UBE2J1: variants seen among roughly 807,000 people sequenced by gnomAD.
UBE2J1 encodes the protein ubiquitin-conjugating enzyme E2 J1.
In UBE2J1, 17 loss-of-function variants were observed where a neutral mutation model predicts 42.1. The ratio of observed to expected loss-of-function variants is 0.40; its 90% CI spans 0.28 to 0.61. The LOEUF (loss-of-function observed/expected upper bound fraction) is 0.61. UBE2J1 is among the 20% of genes least tolerant of loss of function. The pLI is 0.38. For missense variants in UBE2J1, 291 were observed against 389.4 expected (o/e 0.75, Z 2.13); for synonymous variants, 127 against 137.2 (o/e 0.93, Z 0.52).
chr6:89,347,254 A>G (rs905505644), intron 1 of UBE2J1, among the ~76,000 whole-genome samples: 1 of 152,178 alleles, frequency 6.6e-6, no homozygotes, highest in African/African-American at 2.4e-5. Context: ...TAAACATATC[A>G]TTCCTTTAAG....
intron 7 of UBE2J1, among the ~76,000 whole-genome samples, chr6:89,332,342 T>C (rs1184945201): frequency 3.3e-5 from 5 of 152,214 alleles, no homozygotes; most frequent in African/African-American, 7.2e-5. Flanking sequence ...AATCCAGTCA[T>C]ATTTTTTAAA....
At chr6:89,352,428 AC>A (rs1768503859) in intron 1 of UBE2J1, 110 bp downstream of exon 1, 5 of 1,281,866 alleles carry the variant, frequency 3.9e-6, no homozygotes, top group Admixed American at 2.3e-5. Flanking sequence ...AGAGCGCGAA[AC>A]CAGGAGCTGA....
At chr6:89,332,948 T>C in intron 7 of UBE2J1, 138 bp downstream of exon 7, 1 of 609,894 alleles carries the variant, frequency 1.6e-6, no homozygotes, top group South Asian at 3.7e-5. Context: ...TAATAATTCA[T>C]TAGCGGGACT....
Position 89,326,707 on chromosome 6 carries a change from G to A in UBE2J1, c.*2972C>T, listed in dbSNP as rs913054068. ...TCAGAAGGCGTTCCCAACAGCTTTT[G>A]AGCAATGCACAGCCTCCCATAAAAC... On this transcript the variant is annotated 3_prime_UTR_variant, in exon 8 of 8. Transcript: ENST00000435041. The A allele has an allele frequency of 3.3e-5, 5 of 152,172 alleles. No individual in the cohort carries two copies. Among genetic ancestry groups the A allele is most frequent in the African/African-American group, 1.2e-4 (5 of 41,434 alleles). The allele number at this position is 152,172 out of a possible 1,614,324, so 9.4% of individuals were successfully genotyped here. A position where few individuals can be genotyped will look rare whatever the true frequency, so the allele number is the denominator to read the frequency against.
intron 2 of UBE2J1, among the ~76,000 whole-genome samples, chr6:89,342,656 G>A (rs1217426558): frequency 6.6e-6 from 1 of 152,084 alleles, no homozygotes; most frequent in African/African-American, 2.4e-5. Flanking sequence ...TAGCTTTCAT[G>A]TTCCATTGAG....
Position 89,345,907 on chromosome 6 carries a change from A to T in UBE2J1, c.32-2151T>A, listed in dbSNP as rs1582488174. 3.0e-4 allele frequency among the ~76,000 whole-genome samples: 7 copies of T among 23,722 alleles called. No homozygotes were observed. In the South Asian group the frequency reaches 0.028, roughly 94 times the overall value. 15.6% of individuals were successfully genotyped at this position (23,722 alleles called of 152,430 possible). On this transcript the variant is annotated intron_variant, in intron 1 of 7. Coordinates refer to ENST00000435041, the MANE Select transcript of UBE2J1 (RefSeq NM_016021.3). ...GGGCAACAAGAGCGAAACTACGTCT[A>T]AAAAAAAAAAAAAAAGCCCTCCAGG...
intron 7 of UBE2J1, 129 bp from the exon 8 acceptor site, chr6:89,330,086 GTTA>G (rs1767980720): frequency 1.1e-6 from 1 of 919,950 alleles, no homozygotes; most frequent in Non-Finnish European, 1.6e-6. Context: ...AAGAATGATT[GTTA>G]CTAATAATAC....
At chr6:89,331,979 A>G (rs1214816484) in intron 7 of UBE2J1, among the ~76,000 whole-genome samples, 1 of 152,158 alleles carries the variant, frequency 6.6e-6, no homozygotes, top group Non-Finnish European at 1.5e-5. Flanking sequence ...TCATCGCTAC[A>G]CACTTTTTTC....
intron 5 of UBE2J1, among the ~76,000 whole-genome samples, chr6:89,336,475 T>A (rs979517270): frequency 2.1e-5 from 1 of 46,836 alleles, no homozygotes; most frequent in African/African-American, 6.3e-5. Flanking sequence ...TTTATTTTAT[T>A]TTTTTTTTTT....
Position 89,326,976 on chromosome 6 carries a change from G to A in UBE2J1, c.*2703C>T, listed in dbSNP as rs1178174947. 2 of 152,458 alleles carry A rather than the reference G, an allele frequency of 1.3e-5. No individual in the cohort carries two copies. Among genetic ancestry groups the A allele is most frequent in the Admixed American group, 6.6e-5 (1 of 15,254 alleles). The allele number at this position is 152,458 out of a possible 1,614,324, so 9.4% of individuals were successfully genotyped here. A position where few individuals can be genotyped will look rare whatever the true frequency, so the allele number is the denominator to read the frequency against. On this transcript the variant is annotated 3_prime_UTR_variant, in exon 8 of 8. Transcript: ENST00000435041. ...TTCATAGCCAAAAATGACAAAAAGAGTTCTTATTCTCCCAAAATAGGAAAT... is the reference window on the plus strand; with the variant it reads ...TTCATAGCCAAAAATGACAAAAAGAATTCTTATTCTCCCAAAATAGGAAAT...
intron 5 of UBE2J1, among the ~76,000 whole-genome samples, chr6:89,337,289 C>A (rs910530167): frequency 6.8e-6 from 1 of 148,000 alleles, no homozygotes; most frequent in East Asian, 2.0e-4. Flanking sequence ...GATAAAAAAA[C>A]CAACGTAGTA....
Position 89,327,956 on chromosome 6 carries a change from T to C in UBE2J1, c.*1723A>G, listed in dbSNP as rs998008200. 1 of 152,216 alleles carries C rather than the reference T, an allele frequency of 6.6e-6. No homozygotes were observed. Among genetic ancestry groups the C allele is most frequent in the African/African-American group, 2.4e-5 (1 of 41,454 alleles). 9.4% of individuals were successfully genotyped at this position (152,216 alleles called of 1,614,324 possible). A position where few individuals can be genotyped will look rare whatever the true frequency, so the allele number is the denominator to read the frequency against. On this transcript the variant is annotated 3_prime_UTR_variant, in exon 8 of 8. Coordinates refer to ENST00000435041, the MANE Select transcript of UBE2J1 (RefSeq NM_016021.3). ...TTTAGAGTGTATTTTCTTATGGCAA[T>C]AGAGTTATAAAATGGTAACCTATGA... is the stretch of plus-strand genomic sequence containing the variant.
intron 1 of UBE2J1, among the ~76,000 whole-genome samples, chr6:89,347,872 C>A (rs976786919): frequency 2.0e-5 from 3 of 152,200 alleles, no homozygotes; most frequent in Admixed American, 6.5e-5. Context: ...ATTCTCCTTT[C>A]CTTTTCACCC....
intron 5 of UBE2J1, among the ~76,000 whole-genome samples, chr6:89,336,036 T>G (rs1287607697): frequency 6.6e-6 from 1 of 152,196 alleles, no homozygotes; most frequent in Admixed American, 6.5e-5. Context: ...TTTCCCTTTG[T>G]ATTCCAGATA....
At chr6:89,349,529 G>A (rs1258070567) in intron 1 of UBE2J1, among the ~76,000 whole-genome samples, 3 of 152,126 alleles carry the variant, frequency 2.0e-5, no homozygotes, top group Non-Finnish European at 2.9e-5. Flanking sequence ...ACTCCCATAG[G>A]TGCCTGAGTG....
At chr6:89,336,493 TTTA>T (rs917661984) in intron 5 of UBE2J1, among the ~76,000 whole-genome samples, 1 of 150,178 alleles carries the variant, frequency 6.7e-6, no homozygotes, top group African/African-American at 2.4e-5. Context: ...TTTATTTCAT[TTTA>T]TTATTATTTT....
chr6:89,346,103 C>T (rs919000626), intron 1 of UBE2J1, among the ~76,000 whole-genome samples: 2 of 152,064 alleles, frequency 1.3e-5, no homozygotes, highest in Non-Finnish European at 2.9e-5. Flanking sequence ...CTTGCCCAGG[C>T]TGGTCTCGGG....
chr6:89,352,433 G>C (rs1160374701), intron 1 of UBE2J1, 106 bp downstream of exon 1: 12 of 1,309,030 alleles, frequency 9.2e-6, no homozygotes, highest in African/African-American at 1.5e-5. Flanking sequence ...GCGAAACCAG[G>C]AGCTGAGCCG....
At chr6:89,352,441 CCGCGAGTGGCGCCAGA>C in intron 1 of UBE2J1, 82 bp downstream of exon 1, 1 of 1,361,814 alleles carries the variant, frequency 7.3e-7, no homozygotes, top group South Asian at 1.3e-5. Flanking sequence ...AGGAGCTGAG[CCGCGAGTGGCGCCAGA>C]CGCGAGGGGA....
Sources: allele counts gnomAD v4.1 joint callset (sites outside exome capture counted in the v4.1 genomes callset), GRCh38; gene constraint gnomAD v4.1.1; transcripts MANE v1.5; gene names NCBI Gene and HGNC (gene_info 2026-07-23, HGNC 2026-07-21).